Variants in ADAMTS13 observed in about 807,000 individuals in gnomAD.
The protein encoded by ADAMTS13 is A disintegrin and metalloproteinase with thrombospondin motifs 13.
ADAMTS13 carries 110 observed loss-of-function variants against 155.1 expected under a neutral mutation model. That is an observed-to-expected ratio of 0.71 (90% CI 0.61 to 0.83). The LOEUF is 0.83. Among genes scored for constraint, ADAMTS13 ranks in the 40% least tolerant of loss-of-function variants. The pLI is 0.00. For missense variants in ADAMTS13, 1,707 were observed against 1,891.7 expected (o/e 0.90, Z 1.81); for synonymous variants, 758 against 756.4 (o/e 1.00, Z -0.03).
At chr9:133,417,754 T>C, upstream of ADAMTS13, 1 of 1,613,424 alleles carries the variant, frequency 6.2e-7, no homozygotes, top group Non-Finnish European at 8.5e-7. Context: ...TTCTTCTTGT[T>C]TTTCTTCCGA....
chr9:133,439,123 C>G (rs920099061), intron 14 of ADAMTS13, among the ~76,000 whole-genome samples: 2 of 152,168 alleles, frequency 1.3e-5, no homozygotes, highest in African/African-American at 4.8e-5. Flanking sequence ...GCCCTGCCTC[C>G]CTCTGGCTTG....
chr9:133,429,649 GC>G, intron 7 of ADAMTS13: 1 of 431,570 alleles, frequency 2.3e-6, no homozygotes, highest in Non-Finnish European at 4.4e-6. Flanking sequence ...TCCCCTTCCC[GC>G]CGACCGCACC....
At chr9:133,439,637 C>T (rs1011341858) in intron 15 of ADAMTS13, among the ~76,000 whole-genome samples, 191 bp downstream of exon 15, 1 of 152,228 alleles carries the variant, frequency 6.6e-6, no homozygotes, top group Non-Finnish European at 1.5e-5. Flanking sequence ...GCGGCTCCTT[C>T]CAGAAGAACA....
Position 133,437,889 on chromosome 9 carries a change from A to G in ADAMTS13, c.1576A>G (p.Ser526Gly), listed in dbSNP as rs1588174021. The change falls in exon 13 of 29, where the codon AGC (serine) becomes GGC (glycine). Residue 526 changes from serine to glycine, a missense_variant. Ser to Gly is a moderately conservative substitution (Grantham distance 56, BLOSUM62 0). Coordinates refer to ENST00000355699, the MANE Select transcript of ADAMTS13 (RefSeq NM_139027.6). ...GACCCTGAGCCTGTGTGTGTCGGGC[A>G]GCTGCAGGGTAGGCGTGTGTGGACA... ...DGTLSLCVSG[S>G]CRTFGCDGRM... 5 of 1,613,616 alleles carry G rather than the reference A, an allele frequency of 3.1e-6. No homozygotes were observed. In the East Asian group the frequency reaches 1.1e-4, roughly 36 times the overall value.
chr9:133,438,510 T>G (rs587692639), intron 14 of ADAMTS13, 144 bp downstream of exon 14: 5 of 1,309,932 alleles, frequency 3.8e-6, no homozygotes, highest in Non-Finnish European at 5.2e-6. Flanking sequence ...TGTCAGCGTC[T>G]CCCTCTTCCA....
exon 1 of ADAMTS13, chr9:133,414,430 G>T (rs587695021): frequency 1.7e-5 from 12 of 687,896 alleles, no homozygotes; most frequent in Non-Finnish European, 3.2e-5. Flanking sequence ...TTCCACACAC[G>T]TGTACTGGCA....
rs1554787836 is a variant in ADAMTS13, at chr9:133,432,678, T to C, written c.1078T>C (p.Cys360Arg). Residue 360 changes from cysteine (C) to arginine (R), a missense_variant, in exon 9 of 29, where the codon TGT becomes CGT. Cys to Arg is a radical substitution (Grantham distance 180). Around this residue, in one of 3 missense-constraint regions of ADAMTS13, gnomAD observed 733 missense variants for 749.6 expected, o/e 0.98. Transcript: ENST00000355699. The stretch of plus-strand genomic sequence containing the variant: ...CGTTCCTCTCCTGGATGGGACAGAA[T>C]GTGGCGTGGAGAAGGTCAGAGCCAA... ...LLVPLLDGTE[C>R]GVEKWCSKGR... 6.4e-7 allele frequency: 1 copy of C among 1,558,022 alleles called. No individual in the cohort carries two copies. The highest frequency in any genetic ancestry group is 8.7e-7 in the Non-Finnish European group (1 of 1,150,426).
intron 19 of ADAMTS13, among the ~76,000 whole-genome samples, chr9:133,444,623 G>A (rs1351665303): frequency 2.6e-5 from 4 of 152,214 alleles, no homozygotes; most frequent in East Asian, 3.9e-4. Flanking sequence ...CACCCTGGGT[G>A]CAGGTGGGGT....
upstream of ADAMTS13, among the ~76,000 whole-genome samples, chr9:133,420,569 T>C (rs1405794574): frequency 6.6e-6 from 1 of 152,224 alleles, no homozygotes; most frequent in Non-Finnish European, 1.5e-5. Context: ...TAATACTTGC[T>C]GAGTTCAGAT....
At chr9:133,430,642 T>C (rs980606425) in intron 8 of ADAMTS13, among the ~76,000 whole-genome samples, 12 of 152,226 alleles carry the variant, frequency 7.9e-5, no homozygotes, top group Non-Finnish European at 1.5e-4. Context: ...AATATTCTTA[T>C]ACAATGTATA....
intron 1 of ADAMTS13, chr9:133,414,880 C>T: frequency 6.2e-7 from 1 of 1,614,178 alleles, no homozygotes; most frequent in Non-Finnish European, 8.5e-7. Flanking sequence ...TTCCTGCCGG[C>T]ATCTCCTCTC....
At chr9:133,420,566 T>G (rs587764702), upstream of ADAMTS13, among the ~76,000 whole-genome samples, 4 of 152,328 alleles carry the variant, frequency 2.6e-5, no homozygotes, top group South Asian at 8.3e-4. Flanking sequence ...GGTTAATACT[T>G]GCTGAGTTCA....
At chr9:133,432,425 T>C (rs1205380318) in intron 8 of ADAMTS13, among the ~76,000 whole-genome samples, 163 bp from the exon 9 acceptor site, 1 of 152,324 alleles carries the variant, frequency 6.6e-6, no homozygotes, top group Non-Finnish European at 1.5e-5. Flanking sequence ...TCCCCATCGA[T>C]GGGTCAGTCA....
intron 19 of ADAMTS13, among the ~76,000 whole-genome samples, chr9:133,444,316 C>T (rs781861482): frequency 7.9e-5 from 12 of 151,882 alleles, no homozygotes; most frequent in East Asian, 1.9e-4. Flanking sequence ...GGCTGGAGGT[C>T]GGCCTCTGCC....
chr9:133,450,565 CAAA>C (rs924514326), intron 23 of ADAMTS13, among the ~76,000 whole-genome samples: 6 of 74,814 alleles, frequency 8.0e-5, no homozygotes, highest in Admixed American at 1.5e-4. Flanking sequence ...AACTCCATCT[CAAA>C]AAAAAAAAAA....
rs782344307 is a variant in ADAMTS13, at chr9:133,437,903, C to T, written c.1584+6C>T. 4.3e-5 allele frequency: 69 copies of T among 1,613,264 alleles called. No individual in the cohort carries two copies. Among genetic ancestry groups the T allele is most frequent in the South Asian group, 1.1e-4 (10 of 91,070 alleles). On this transcript the variant is annotated splice_donor_region_variant and intron_variant, in intron 13 of 28. Transcript: ENST00000355699. Reference sequence around the variant, plus strand: ...GTGTGTCGGGCAGCTGCAGGGTAGGCGTGTGTGGACATTGGCGATGGCCCT... The same window carrying T: ...GTGTGTCGGGCAGCTGCAGGGTAGGTGTGTGTGGACATTGGCGATGGCCCT...
At chr9:133,449,268 C>T (rs946457877) in intron 22 of ADAMTS13, among the ~76,000 whole-genome samples, 1 of 152,084 alleles carries the variant, frequency 6.6e-6, no homozygotes, top group Admixed American at 6.6e-5. Context: ...GCCCCGGGGC[C>T]GTCCTGGAGC....
intron 22 of ADAMTS13, 116 bp downstream of exon 22, chr9:133,448,844 G>A: frequency 4.8e-6 from 7 of 1,472,074 alleles, no homozygotes; most frequent in Non-Finnish European, 6.4e-6. Context: ...GCTGTGCACT[G>A]TGTGAGGCTG....
upstream of ADAMTS13, chr9:133,417,764 A>C (rs1554782001): frequency 6.2e-7 from 1 of 1,612,420 alleles, no homozygotes; most frequent in Admixed American, 1.7e-5. Context: ...TTTTCTTCCG[A>C]GTGAGCGTCT....
Sources: gnomAD v4.1 joint callset for allele counts (sites outside exome capture counted in the v4.1 genomes callset) on GRCh38, gnomAD v4.1.1 for gene constraint, gnomAD v4.1.1 regional missense constraint, MANE v1.5 for transcripts, NCBI Gene and HGNC (gene_info 2026-07-23, HGNC 2026-07-21) for gene names.